DLG2: variants seen among roughly 807,000 people sequenced by gnomAD.
DLG2 encodes the protein disks large homolog 2.
DLG2 carries 45 observed loss-of-function variants against 132.5 expected under a neutral mutation model. That is an observed-to-expected ratio of 0.34 (90% CI 0.27 to 0.44). The LOEUF (loss-of-function observed/expected upper bound fraction) is 0.44. Ranked by LOEUF, DLG2 falls within the 20% of genes least tolerant of loss-of-function variation. The probability of loss-of-function intolerance (pLI) is 1.00; values close to 1 mark genes in which losing one functional copy is unlikely to be tolerated. For synonymous variants in DLG2, 424 were observed against 419.6 expected (o/e 1.01, Z -0.13); for missense variants, 1,045 against 1,196.9 (o/e 0.87, Z 1.87).
At position 84,743,489 on chromosome 11, in the gene DLG2, T is replaced by C. The variant is rs2064959990; in HGVS notation, c.358-208758A>G. 2.6e-5 allele frequency among the ~76,000 whole-genome samples: 4 copies of C among 152,300 alleles called. No homozygotes were observed. The South Asian group carries it at 8.3e-4, about 32-fold the overall frequency. On this transcript the variant is annotated intron_variant, in intron 6 of 27. Transcript: ENST00000376104. Reference sequence around the variant, plus strand: ...TCATTGAGTTCTATGACACTTCAGATATTAAACTATAAGCTAAGGATACAA... The same window carrying C: ...TCATTGAGTTCTATGACACTTCAGACATTAAACTATAAGCTAAGGATACAA...
In DLG2 at chr11:83,778,940, G is replaced by A. The variant is rs139874199; in HGVS notation, c.1825+7750C>T. ...AATAAGTGAAGAGACTTCCTGGGAA[G>A]TGTCTAGTTGCTGGCAGAGGCCTTT... On this transcript the variant is annotated intron_variant, in intron 18 of 27. Transcript: ENST00000376104. Among the ~76,000 whole-genome samples, 553 of 152,242 alleles carry A rather than the reference G, an allele frequency of 3.6e-3. 3 individuals are homozygous for A. The highest frequency in any genetic ancestry group is 9.3e-3 in the South Asian group (45 of 4,826).
intron 3 of DLG2, among the ~76,000 whole-genome samples, chr11:85,436,324 C>T (rs771921512): frequency 1.3e-5 from 2 of 152,106 alleles, no homozygotes; most frequent in Non-Finnish European, 1.5e-5. Flanking sequence ...CCTAATTACA[C>T]TAAAGAGCTT....
chr11:83,779,955 AGTC>A (rs1341955069), intron 18 of DLG2, among the ~76,000 whole-genome samples: 7 of 152,296 alleles, frequency 4.6e-5, no homozygotes, highest in Non-Finnish European at 1.0e-4. Flanking sequence ...GTCCAGTCCA[AGTC>A]GTGTACGGTA....
intron 6 of DLG2, among the ~76,000 whole-genome samples, chr11:84,719,233 C>T (rs996957532): frequency 5.9e-5 from 9 of 152,194 alleles, no homozygotes; most frequent in East Asian, 5.8e-4. Context: ...GCCTAAGGTG[C>T]TTACCAGCTG....
chr11:84,090,589 T>A lies in DLG2; in HGVS notation c.749+8334A>T, dbSNP rs527766565. 4.6e-5 allele frequency among the ~76,000 whole-genome samples: 7 copies of A among 152,270 alleles called. No individual in the cohort carries two copies. In the East Asian group the frequency reaches 1.2e-3, roughly 25 times the overall value. ...ATTGTTTGCCTTGGACATACGTGTA[T>A]GCCAAAATTACATATGTGAAACCAC... On this transcript the variant is annotated intron_variant, in intron 10 of 27. Transcript: ENST00000376104.
At chr11:85,543,498 AC>A (rs1321265449) in intron 3 of DLG2, among the ~76,000 whole-genome samples, 1 of 152,210 alleles carries the variant, frequency 6.6e-6, no homozygotes, top group Non-Finnish European at 1.5e-5. Context: ...TTGGGTATAT[AC>A]CCAATAATGG....
rs59038372 is a variant in DLG2 at position 84,373,265 on chromosome 11, C to CAAAAAA, written c.520-121975_520-121974insTTTTTT. Among the ~76,000 whole-genome samples the CAAAAAA allele has an allele frequency of 5.5e-3, 542 of 98,040 alleles. 26 individuals carry two copies. The highest frequency in any genetic ancestry group is 0.034 in the East Asian group (112 of 3,324). The allele number at this position is 98,040 out of a possible 152,430, so 64.3% of individuals were successfully genotyped here. A position where few individuals can be genotyped will look rare whatever the true frequency, so the allele number is the denominator to read the frequency against. ...AGAAACAGTCAAAAAAAAAAAAAAACAAAACAAAAAAAAAACCCACCAGGC... is the reference window on the plus strand; with the variant it reads ...AGAAACAGTCAAAAAAAAAAAAAAACAAAAAAAAAACAAAAAAAAAACCCACCAGGC... On this transcript the variant is annotated intron_variant, in intron 7 of 27. Coordinates refer to ENST00000376104, the MANE Select transcript of DLG2 (RefSeq NM_001142699.3).
chr11:85,513,309 A>G (rs1486243948), intron 3 of DLG2, among the ~76,000 whole-genome samples: 1 of 152,040 alleles, frequency 6.6e-6, no homozygotes. Context: ...TACCCAAATA[A>G]CAGACCTGCA....
rs1402052917 is a variant in DLG2, at chr11:85,030,375, G to A, written c.357+81286C>T. 6.6e-5 allele frequency among the ~76,000 whole-genome samples: 10 copies of A among 152,072 alleles called. 1 individual carries two copies. Among genetic ancestry groups the A allele is most frequent in the Admixed American group, 3.3e-4 (5 of 15,278 alleles). On this transcript the variant is annotated intron_variant, in intron 6 of 27. Transcript: ENST00000376104. Reference sequence around the variant, plus strand: ...TTAGAGTATTACTTTGCTCTTCTTGGAATTGCTTTTTCTATAGTGTCACCT... The same window carrying A: ...TTAGAGTATTACTTTGCTCTTCTTGAAATTGCTTTTTCTATAGTGTCACCT...
At chr11:84,907,248 A>T (rs867001366) in intron 6 of DLG2, among the ~76,000 whole-genome samples, 67 of 152,346 alleles carry the variant, frequency 4.4e-4, no homozygotes, top group Middle Eastern at 3.4e-3. Context: ...CTGGGAGATT[A>T]AGAAAGAGTG....
chr11:85,409,051 T>A (rs1218922515), intron 3 of DLG2, among the ~76,000 whole-genome samples: 2 of 151,980 alleles, frequency 1.3e-5, no homozygotes, highest in African/African-American at 2.4e-5. Flanking sequence ...AATTGAGTCA[T>A]TGAGAAATCG....
chr11:83,769,846 T>C (rs2153787515), intron 18 of DLG2, among the ~76,000 whole-genome samples: 1 of 152,242 alleles, frequency 6.6e-6, no homozygotes, highest in East Asian at 1.9e-4. Context: ...ATTACAGGCG[T>C]GAGCCACTGT....
At chr11:84,362,568 T>C (rs1451155146) in intron 7 of DLG2, among the ~76,000 whole-genome samples, 1 of 152,030 alleles carries the variant, frequency 6.6e-6, no homozygotes, top group African/African-American at 2.4e-5. Context: ...TGCAGGTTAG[T>C]TACATATGTA....
chr11:84,983,461 A>T (rs1432100878), intron 6 of DLG2, among the ~76,000 whole-genome samples: 1 of 152,124 alleles, frequency 6.6e-6, no homozygotes, highest in Non-Finnish European at 1.5e-5. Flanking sequence ...TACATCAAGG[A>T]AACACCTCAT....
At chr11:85,417,540 T>A (rs1441210812) in intron 3 of DLG2, among the ~76,000 whole-genome samples, 1 of 152,204 alleles carries the variant, frequency 6.6e-6, no homozygotes, top group Non-Finnish European at 1.5e-5. Context: ...TCTTTATACC[T>A]CTGGTAGAAT....
chr11:84,813,060 A>G (rs1322686092), intron 6 of DLG2, among the ~76,000 whole-genome samples: 1 of 152,108 alleles, frequency 6.6e-6, no homozygotes, highest in Non-Finnish European at 1.5e-5. Flanking sequence ...GTTTATCCTT[A>G]AAAAGGCTTC....
At chr11:84,556,967 G>A (rs758156433) in intron 6 of DLG2, among the ~76,000 whole-genome samples, 3 of 152,062 alleles carry the variant, frequency 2.0e-5, no homozygotes, top group Non-Finnish European at 4.4e-5. Context: ...CAGCAGAATG[G>A]AGGCCCCTGG....
At chr11:84,833,840 A>G (rs1396962686) in intron 6 of DLG2, among the ~76,000 whole-genome samples, 1 of 151,702 alleles carries the variant, frequency 6.6e-6, no homozygotes, top group Non-Finnish European at 1.5e-5. Flanking sequence ...CCTGAAGTCA[A>G]GTGGCATTTC....
chr11:83,595,534 G>C (rs191092866), intron 19 of DLG2, among the ~76,000 whole-genome samples: 2 of 152,324 alleles, frequency 1.3e-5, no homozygotes, highest in Admixed American at 1.3e-4. Context: ...AAGTGGCTCT[G>C]TGACCACAAT....
Sources: gnomAD v4.1 joint callset for allele counts (sites outside exome capture counted in the v4.1 genomes callset) on GRCh38, gnomAD v4.1.1 for gene constraint, MANE v1.5 for transcripts, NCBI Gene and HGNC (gene_info 2026-07-23, HGNC 2026-07-21) for gene names.